The following NEK11 variants were observed in gnomAD, a reference collection of about 807,000 sequenced individuals.
NEK11 encodes the protein NIMA related kinase 11, also known as serine/threonine-protein kinase Nek11.
In NEK11, 72 loss-of-function variants were observed where a neutral mutation model predicts 80.7. The observed-to-expected ratio is 0.89, with a 90% CI of 0.74 to 1.08. NEK11 has a LOEUF of 1.08. NEK11 is among the 50% of genes least tolerant of loss of function. The pLI is 0.00. For synonymous variants in NEK11, 251 were observed against 260.7 expected (o/e 0.96, Z 0.36); for missense variants, 764 against 763.6 (o/e 1.00, Z -0.01).
chr3:131,107,910 A>G (rs1044392293), intron 4 of NEK11, among the ~76,000 whole-genome samples: 1 of 152,158 alleles, frequency 6.6e-6, no homozygotes, highest in Non-Finnish European at 1.5e-5. Flanking sequence ...ACATGAGAGT[A>G]CAGCTTGTAT....
At chr3:131,073,765 G>A (rs910584872) in intron 3 of NEK11, among the ~76,000 whole-genome samples, 2 of 152,072 alleles carry the variant, frequency 1.3e-5, no homozygotes, top group Non-Finnish European at 2.9e-5. Context: ...ACAGTGTTGG[G>A]GTCCTGCCTA....
chr3:131,123,108 A>G (rs2082675521), intron 5 of NEK11, among the ~76,000 whole-genome samples: 2 of 152,230 alleles, frequency 1.3e-5, no homozygotes, highest in African/African-American at 4.8e-5. Context: ...TTAGCCAAAC[A>G]TAGGATAAAA....
intron 4 of NEK11, among the ~76,000 whole-genome samples, chr3:131,099,619 T>G (rs990925619): frequency 2.6e-5 from 4 of 152,192 alleles, no homozygotes; most frequent in Non-Finnish European, 5.9e-5. Flanking sequence ...TTTTTTCCAT[T>G]TATTAGTGTC....
chr3:131,310,224 T>C (rs926636628), intron 17 of NEK11, among the ~76,000 whole-genome samples: 6 of 149,162 alleles, frequency 4.0e-5, no homozygotes, highest in African/African-American at 1.5e-4. Context: ...TATTGTACCC[T>C]TGAGTCTCCA....
rs199587206 is a variant in NEK11 at position 131,161,834 on chromosome 3, TAA to T, written c.963-571_963-570del. Among the ~76,000 whole-genome samples, 430 of 152,298 alleles carry T rather than the reference TAA, an allele frequency of 2.8e-3. 15 individuals are homozygous for T. Among genetic ancestry groups the T allele is most frequent in the Admixed American group, 0.023 (352 of 15,296 alleles). On this transcript the variant is annotated intron_variant, in intron 10 of 17. Coordinates refer to ENST00000383366, the MANE Select transcript of NEK11 (RefSeq NM_024800.5). ...TGCACATGCATCCCTGAACTTTAAA[TAA>T]AAGTTAAAAAATAAAAAAATAAGAT...
Position 131,081,497 on chromosome 3 carries a change from A to T in NEK11, c.336+909A>T, listed in dbSNP as rs115413346. Among the ~76,000 whole-genome samples the T allele has an allele frequency of 8.2e-3, 1,242 of 152,320 alleles. 22 individuals carry two copies. Among genetic ancestry groups the T allele is most frequent in the African/African-American group, 0.028 (1,175 of 41,576 alleles). On this transcript the variant is annotated intron_variant, in intron 4 of 17. Coordinates refer to ENST00000383366, the MANE Select transcript of NEK11 (RefSeq NM_024800.5). ...AGAGAAGTGGGAGAGGGGAAAGTGG[A>T]CAATGTGTAGCTGCAGTGTGAATCT...
chr3:131,093,412 G>A (rs1000065168), intron 4 of NEK11, among the ~76,000 whole-genome samples: 7 of 119,196 alleles, frequency 5.9e-5, no homozygotes, highest in Non-Finnish European at 8.7e-5. Context: ...CAATCATGTG[G>A]AAAGAACCAG....
intron 3 of NEK11, among the ~76,000 whole-genome samples, chr3:131,072,502 C>T (rs146302502): frequency 6.6e-6 from 1 of 152,052 alleles, no homozygotes. Context: ...CAGTGTTTCT[C>T]ACAATAAGGA....
chr3:131,110,640 A>T (rs1331329302), intron 5 of NEK11, among the ~76,000 whole-genome samples: 1 of 152,170 alleles, frequency 6.6e-6, no homozygotes, highest in African/African-American at 2.4e-5. Context: ...AAAGAAGTGG[A>T]TATTCTGAGG....
chr3:131,059,809 G>A (rs762873531), intron 3 of NEK11, among the ~76,000 whole-genome samples: 1 of 152,194 alleles, frequency 6.6e-6, no homozygotes, highest in African/African-American at 2.4e-5. Context: ...ACAGAACTGA[G>A]CCCTGCCTCA....
At chr3:131,284,903 C>T (rs1385246395) in intron 17 of NEK11, among the ~76,000 whole-genome samples, 1 of 152,206 alleles carries the variant, frequency 6.6e-6, no homozygotes, top group Non-Finnish European at 1.5e-5. Flanking sequence ...AACTGGCTTC[C>T]TGGCTCCAGA....
At chr3:131,079,955 GAC>G (rs1257725907) in intron 3 of NEK11, among the ~76,000 whole-genome samples, 1 of 152,044 alleles carries the variant, frequency 6.6e-6, no homozygotes, top group East Asian at 1.9e-4. Context: ...AAGAGGCAGA[GAC>G]ACAGAAGGAA....
In NEK11 at chr3:131,097,620, A is replaced by T. The variant is rs570134578; in HGVS notation, c.337-12183A>T. On this transcript the variant is annotated intron_variant, in intron 4 of 17. Transcript: ENST00000383366. The stretch of plus-strand genomic sequence containing the variant: ...TTGTAAATCGTGAAGGACCTCTCCA[A>T]GGAGAACTGCAAACCACTGCTCAAT... Among the ~76,000 whole-genome samples, 4 of 152,292 alleles carry T rather than the reference A, an allele frequency of 2.6e-5. No individual in the cohort carries two copies. In the East Asian group the frequency reaches 7.7e-4, roughly 29 times the overall value.
At chr3:131,331,846 A>AGAGTCTCG (rs898917336) in intron 17 of NEK11, among the ~76,000 whole-genome samples, 1 of 152,196 alleles carries the variant, frequency 6.6e-6, no homozygotes, top group African/African-American at 2.4e-5. Context: ...CTACAACCAC[A>AGAGTCTCG]GAGTCTCGCT....
chr3:131,066,948 T>A (rs1009511709), intron 3 of NEK11, among the ~76,000 whole-genome samples: 1 of 152,134 alleles, frequency 6.6e-6, no homozygotes, highest in Non-Finnish European at 1.5e-5. Flanking sequence ...TCTTAATCTC[T>A]CTGTGTCTTA....
intron 15 of NEK11, among the ~76,000 whole-genome samples, chr3:131,238,209 T>C (rs1179292802): frequency 6.6e-6 from 1 of 152,182 alleles, no homozygotes; most frequent in African/African-American, 2.4e-5. Context: ...TGAAATAGCT[T>C]TCACTGGACT....
In NEK11 at chr3:131,155,192, A is replaced by G. The variant is rs1260453083; in HGVS notation, c.962+71A>G. 5.0e-6 allele frequency: 5 copies of G among 992,722 alleles called. No homozygotes were observed. The South Asian group carries it at 6.9e-5, about 14-fold the overall frequency. 61.5% of individuals were successfully genotyped at this position (992,722 alleles called of 1,614,324 possible). The stretch of plus-strand genomic sequence containing the variant: ...TAAATGTATTTGTCTTTAAAAATCT[A>G]TTAGCACTAAACTGACTGCATCGAG... On this transcript the variant is annotated intron_variant, in intron 10 of 17. Coordinates refer to ENST00000383366, the MANE Select transcript of NEK11 (RefSeq NM_024800.5).
rs1442607285 is a variant in NEK11, at chr3:131,273,708, C to T, written c.1718+134C>T. The stretch of plus-strand genomic sequence containing the variant: ...CAAAATACCTGGGACTAAGCTGTTC[C>T]AACTTAGAAACTTCTCTCTAAAATT... On this transcript the variant is annotated intron_variant, in intron 17 of 17. Coordinates refer to ENST00000383366, the MANE Select transcript of NEK11 (RefSeq NM_024800.5). The T allele has an allele frequency of 2.6e-5, 16 of 614,302 alleles. No individual in the cohort carries two copies. The Admixed American group carries it at 4.4e-4, about 17-fold the overall frequency. The allele number at this position is 614,302 out of a possible 1,614,324, so 38.1% of individuals were successfully genotyped here.
At chr3:131,036,313 A>G (rs1243701578) in intron 3 of NEK11, among the ~76,000 whole-genome samples, 3 of 152,242 alleles carry the variant, frequency 2.0e-5, no homozygotes, top group African/African-American at 4.8e-5. Context: ...TGAGTCTGGT[A>G]CAGTGATTCT....
Sources: gnomAD v4.1 joint callset for allele counts (sites outside exome capture counted in the v4.1 genomes callset) on GRCh38, gnomAD v4.1.1 for gene constraint, MANE v1.5 for transcripts, NCBI Gene and HGNC (gene_info 2026-07-23, HGNC 2026-07-21) for gene names.